RANBP2: variants seen among roughly 807,000 people sequenced by gnomAD.
The protein encoded by RANBP2 is E3 SUMO-protein ligase RanBP2.
In RANBP2, 57 loss-of-function variants were observed where a neutral mutation model predicts 303.6. The ratio of observed to expected loss-of-function variants is 0.19; its 90% CI spans 0.15 to 0.23. RANBP2 has a LOEUF of 0.23. Ranked by LOEUF, RANBP2 falls within the 10% of genes least tolerant of loss-of-function variation. The pLI is 1.00. For missense variants in RANBP2, 3,138 were observed against 3,780.8 expected (o/e 0.83, Z 4.46); for synonymous variants, 1,167 against 1,301.5 (o/e 0.90, Z 2.23).
the RANBP2 span, among the ~76,000 whole-genome samples, chr2:109,678,561 C>A: frequency 6.6e-6 from 1 of 152,216 alleles, no homozygotes; most frequent in African/African-American, 2.4e-5. Flanking sequence ...GGATTCATTG[C>A]CCATCTGTAA....
At chr2:109,031,933 T>A in the RANBP2 span, among the ~76,000 whole-genome samples, 1 of 97,836 alleles carries the variant, frequency 1.0e-5, no homozygotes, top group East Asian at 3.4e-4. Context: ...ATCCGTTCAC[T>A]CTCTTTGACC....
rs570751636 is a variant in RANBP2 at position 108,753,168 on chromosome 2, G to A, written c.1917+9G>A. 54 of 1,611,412 alleles carry A rather than the reference G, an allele frequency of 3.4e-5. No individual in the cohort carries two copies. The African/African-American group carries it at 6.5e-4, about 20-fold the overall frequency. On this transcript the variant is annotated intron_variant, in intron 13 of 28. Transcript: ENST00000283195. The stretch of plus-strand genomic sequence containing the variant: ...ATAGTGTAGACATTCAGGTAACAGA[G>A]TTCCTTTATGAATTTATTGGAGATG...
At chr2:108,723,382 C>A (rs1303382473) in intron 1 of RANBP2, among the ~76,000 whole-genome samples, 2 of 151,704 alleles carry the variant, frequency 1.3e-5, no homozygotes, top group Non-Finnish European at 2.9e-5. Flanking sequence ...CGGGTTCACA[C>A]CATTCTCCTG....
At chr2:109,075,415 G>A in the RANBP2 span, among the ~76,000 whole-genome samples, 5 of 150,036 alleles carry the variant, frequency 3.3e-5, 1 homozygote, top group Admixed American at 1.3e-4. Context: ...AAGTAGAGAC[G>A]GGGTTTCACC....
At chr2:109,374,927 G>A in the RANBP2 span, among the ~76,000 whole-genome samples, 2 of 152,208 alleles carry the variant, frequency 1.3e-5, no homozygotes, top group Non-Finnish European at 2.9e-5. Context: ...CCTGCACAGT[G>A]CTCTCCCTCC....
At chr2:109,220,061 A>T in the RANBP2 span, among the ~76,000 whole-genome samples, 2 of 152,250 alleles carry the variant, frequency 1.3e-5, no homozygotes, top group African/African-American at 4.8e-5. Flanking sequence ...CTATGTTATT[A>T]GCATAAGGGA....
At chr2:109,048,734 A>G in the RANBP2 span, among the ~76,000 whole-genome samples, 2 of 152,134 alleles carry the variant, frequency 1.3e-5, no homozygotes, top group African/African-American at 4.8e-5. Context: ...GCCTCCTCCT[A>G]AAGTAAGCCC....
chr2:109,123,025 A>T, the RANBP2 span, among the ~76,000 whole-genome samples: 1 of 152,228 alleles, frequency 6.6e-6, no homozygotes, highest in South Asian at 2.1e-4. Context: ...CATGAGAAAC[A>T]GGCTTGAACT....
the RANBP2 span, among the ~76,000 whole-genome samples, chr2:109,402,858 C>T: frequency 6.6e-6 from 1 of 152,178 alleles, no homozygotes; most frequent in Non-Finnish European, 1.5e-5. Flanking sequence ...ATTGAATCCT[C>T]ATTGAACGTT....
At chr2:109,067,445 G>A in the RANBP2 span, among the ~76,000 whole-genome samples, 5 of 152,172 alleles carry the variant, frequency 3.3e-5, no homozygotes, top group African/African-American at 1.2e-4. Context: ...TTCACCATGG[G>A]GGAGGCAGCG....
chr2:109,096,767 A>G, the RANBP2 span, among the ~76,000 whole-genome samples: 1 of 151,052 alleles, frequency 6.6e-6, no homozygotes, highest in Non-Finnish European at 1.5e-5. Context: ...AGCCAAGAAA[A>G]CTTTTCTATT....
chr2:109,169,723 T>A, the RANBP2 span, among the ~76,000 whole-genome samples: 1 of 150,502 alleles, frequency 6.6e-6, no homozygotes, highest in Non-Finnish European at 1.5e-5. Flanking sequence ...TCTATATATA[T>A]AACCAAAATA....
At chr2:108,982,729 G>A in the RANBP2 span, among the ~76,000 whole-genome samples, 1 of 152,146 alleles carries the variant, frequency 6.6e-6, no homozygotes, top group African/African-American at 2.4e-5. Flanking sequence ...TTGGTCTCCT[G>A]GTTTTTAGAA....
At chr2:109,344,479 G>A in the RANBP2 span, among the ~76,000 whole-genome samples, 1 of 152,338 alleles carries the variant, frequency 6.6e-6, no homozygotes, top group East Asian at 1.9e-4. Context: ...GGCCAGCGTA[G>A]GGGACCTCGG....
At chr2:109,441,132 C>CAAAAAAAAAAA in the RANBP2 span, among the ~76,000 whole-genome samples, 48 of 134,036 alleles carry the variant, frequency 3.6e-4, no homozygotes, top group African/African-American at 1.2e-3. Context: ...TATAGGAATA[C>CAAAAAAAAAAA]AAAAAAAAAA....
chr2:108,975,992 C>A, the RANBP2 span, among the ~76,000 whole-genome samples: 1 of 152,088 alleles, frequency 6.6e-6, no homozygotes, highest in African/African-American at 2.4e-5. Context: ...TTCCCGGGGA[C>A]CCCACACCAG....
the RANBP2 span, among the ~76,000 whole-genome samples, chr2:109,567,044 C>T: frequency 1.3e-4 from 19 of 151,688 alleles, no homozygotes; most frequent in Non-Finnish European, 1.9e-4. Flanking sequence ...AGTTTAGGTA[C>T]ACTAATATAA....
chr2:109,372,007 T>C, the RANBP2 span, among the ~76,000 whole-genome samples: 1 of 151,956 alleles, frequency 6.6e-6, no homozygotes, highest in Non-Finnish European at 1.5e-5. Context: ...CTTCTCCAAC[T>C]CCCCCAAGTG....
At chr2:109,193,709 T>C in the RANBP2 span, among the ~76,000 whole-genome samples, 1 of 152,218 alleles carries the variant, frequency 6.6e-6, no homozygotes, top group East Asian at 1.9e-4. Context: ...AAGATCAGTA[T>C]GTAGTATACA....
Sources: allele counts gnomAD v4.1 joint callset (sites outside exome capture counted in the v4.1 genomes callset), GRCh38; gene constraint gnomAD v4.1.1; transcripts MANE v1.5; gene names NCBI Gene and HGNC (gene_info 2026-07-23, HGNC 2026-07-21).